Variants in ZBED6 observed in about 807,000 individuals in gnomAD.
ZBED6 encodes zinc finger BED domain-containing protein 6.
ZBED6 carries 40 observed loss-of-function variants against 58.4 expected under a neutral mutation model. The ratio of observed to expected loss-of-function variants is 0.68; its 90% CI spans 0.53 to 0.89. ZBED6 has a LOEUF of 0.89. ZBED6 is among the 40% of genes least tolerant of loss of function. ZBED6 has a pLI of 0.00. For synonymous variants in ZBED6, 439 were observed against 350.6 expected (o/e 1.25, Z -2.82); for missense variants, 1,057 against 1,003.9 (o/e 1.05, Z -0.71).
chr1:203,833,925 C>A, intron 9 of ZBED6, 72 bp downstream of exon 9: 1 of 1,529,328 alleles, frequency 6.5e-7, no homozygotes. Flanking sequence ...TCTCCAAACT[C>A]TTTTTATACA....
At chr1:203,828,156 ATC>A (rs1009607330) in intron 3 of ZBED6, 141 bp from the exon 4 acceptor site, 2 of 905,874 alleles carry the variant, frequency 2.2e-6, no homozygotes, top group Non-Finnish European at 3.4e-6. Context: ...ATTTTCAGCA[ATC>A]TCTCTTCCTT....
At position 203,828,242 on chromosome 1, in the gene ZBED6, A is replaced by G. The variant is rs919053218; in HGVS notation, c.*2874-57A>G. 3 of 1,603,162 alleles carry G rather than the reference A, an allele frequency of 1.9e-6. No individual in the cohort carries two copies. In the South Asian group the frequency reaches 3.3e-5, roughly 18 times the overall value. On this transcript the variant is annotated intron_variant, in intron 3 of 16. Transcript: ENST00000550078. ...AACTTTGTCTAGAAAACAAACTGCC[A>G]CATGAATATACGTATCACTGTTTTA...
At chr1:203,836,408 C>G (rs546028795) in intron 9 of ZBED6, among the ~76,000 whole-genome samples, 4 of 152,134 alleles carry the variant, frequency 2.6e-5, no homozygotes, top group South Asian at 2.1e-4. Flanking sequence ...TCTAAAAAAC[C>G]GTTTTTAAAA....
At chr1:203,833,921 A>G in intron 9 of ZBED6, 68 bp downstream of exon 9, 1 of 1,545,558 alleles carries the variant, frequency 6.5e-7, no homozygotes, top group Non-Finnish European at 8.8e-7. Flanking sequence ...AGCTTCTCCA[A>G]ACTCTTTTTA....
intron 3 of ZBED6, among the ~76,000 whole-genome samples, chr1:203,824,629 C>T (rs1558118081): frequency 6.7e-6 from 1 of 148,560 alleles, no homozygotes; most frequent in Non-Finnish European, 1.5e-5. Context: ...AGCTCTGCCT[C>T]CTTCTGATAC....
At chr1:203,802,833 A>C (rs1057084790) in exon 1 of ZBED6, 1 of 151,716 alleles carries the variant, frequency 6.6e-6, no homozygotes, top group Non-Finnish European at 1.5e-5. Context: ...TAGTTGGGAG[A>C]TGTTTTAAAA....
intron 11 of ZBED6, among the ~76,000 whole-genome samples, chr1:203,842,038 G>A (rs970971218): frequency 4.0e-5 from 6 of 150,366 alleles, no homozygotes; most frequent in Non-Finnish European, 8.9e-5. Flanking sequence ...CATCTCAGAC[G>A]ATGGGCGGCC....
intron 3 of ZBED6, among the ~76,000 whole-genome samples, chr1:203,821,155 G>T (rs111803133): frequency 6.6e-6 from 1 of 152,060 alleles, no homozygotes; most frequent in Non-Finnish European, 1.5e-5. Flanking sequence ...GTGCGTTCTC[G>T]TGAGATCTGA....
At chr1:203,833,362 C>A (rs1683055789) in intron 8 of ZBED6, among the ~76,000 whole-genome samples, 1 of 73,010 alleles carries the variant, frequency 1.4e-5, no homozygotes, top group South Asian at 4.7e-4. Context: ...GAGACTCTGT[C>A]TCAAAAAAAA....
At chr1:203,832,796 GAT>G (rs1413311264) in intron 8 of ZBED6, among the ~76,000 whole-genome samples, 3 of 152,230 alleles carry the variant, frequency 2.0e-5, no homozygotes, top group Non-Finnish European at 4.4e-5. Flanking sequence ...GGTGATCAGA[GAT>G]AGTTATATTG....
At chr1:203,832,768 G>A (rs903218815) in intron 8 of ZBED6, among the ~76,000 whole-genome samples, 8 of 152,218 alleles carry the variant, frequency 5.3e-5, no homozygotes, top group Admixed American at 3.9e-4. Context: ...AGAAGAAAGA[G>A]AGCTCACTTC....
intron 15 of ZBED6, among the ~76,000 whole-genome samples, 187 bp from the exon 16 acceptor site, chr1:203,850,870 T>G (rs1295396206): frequency 6.6e-6 from 1 of 152,258 alleles, no homozygotes; most frequent in Admixed American, 6.5e-5. Flanking sequence ...CAGGATTTTT[T>G]AAAAGCTAAT....
At chr1:203,815,379 CTTT>C (rs397711285) in intron 1 of ZBED6, among the ~76,000 whole-genome samples, 204 of 96,916 alleles carry the variant, frequency 2.1e-3, no homozygotes, top group African/African-American at 6.8e-3. Context: ...CCACACCCAG[CTTT>C]TTTTTTTTTT....
At chr1:203,838,893 C>T (rs2103191877) in intron 10 of ZBED6, among the ~76,000 whole-genome samples, 1 of 139,126 alleles carries the variant, frequency 7.2e-6, no homozygotes, top group Non-Finnish European at 1.5e-5. Flanking sequence ...GCGGAGGTTA[C>T]AGTGAGCCAA....
chr1:203,841,465 G>A (rs1458356361), intron 11 of ZBED6, among the ~76,000 whole-genome samples: 1 of 152,174 alleles, frequency 6.6e-6, no homozygotes, highest in Non-Finnish European at 1.5e-5. Context: ...AGAGCACGGG[G>A]TTGGGAGTAA....
intron 4 of ZBED6, 116 bp from the exon 5 acceptor site, chr1:203,829,335 T>G: frequency 4.8e-6 from 5 of 1,039,950 alleles, no homozygotes; most frequent in South Asian, 3.1e-5. Context: ...ATGAGGAAAT[T>G]TAGTATAAAT....
intron 16 of ZBED6, among the ~76,000 whole-genome samples, chr1:203,851,815 T>TA (rs111499575): frequency 6.2e-4 from 92 of 147,210 alleles, no homozygotes; most frequent in African/African-American, 2.0e-3. Context: ...ATCAAAGAAA[T>TA]AAAAAAAAAA....
intron 1 of ZBED6, chr1:203,806,121 G>T: frequency 2.0e-6 from 1 of 502,564 alleles, no homozygotes; most frequent in South Asian, 1.5e-5. Flanking sequence ...CTCTCATCTT[G>T]ATCTGGTCCT....
chr1:203,813,054 A>G (rs1038305427), intron 1 of ZBED6, among the ~76,000 whole-genome samples: 1 of 152,054 alleles, frequency 6.6e-6, no homozygotes, highest in South Asian at 2.1e-4. Context: ...CAAGAGTTAT[A>G]TATTTTGTAT....
Sources: gnomAD v4.1 joint callset for allele counts (sites outside exome capture counted in the v4.1 genomes callset) on GRCh38, gnomAD v4.1.1 for gene constraint, MANE v1.5 for transcripts, NCBI Gene and HGNC (gene_info 2026-07-23, HGNC 2026-07-21) for gene names.